CEBPZOS: variants seen among roughly 807,000 people sequenced by gnomAD.
CEBPZOS encodes protein CEBPZOS.
CEBPZOS carries 10 observed loss-of-function variants against 4.8 expected under a neutral mutation model. The ratio of observed to expected loss-of-function variants is 2.07; its 90% CI spans 1.28 to 3.52. The LOEUF (loss-of-function observed/expected upper bound fraction) is 3.52. Among genes scored for constraint, CEBPZOS ranks in the 30% most tolerant of loss-of-function variants. The pLI is 0.00. For synonymous variants in CEBPZOS, 25 were observed against 14.2 expected, an observed-to-expected ratio of 1.77 and a Z score of -1.72; for missense variants, 98 against 43.6, an observed-to-expected ratio of 2.25 and a Z score of -3.51.
In CEBPZOS at chr2:37,203,080, A is replaced by G. The variant is rs1479506858; in HGVS notation, c.*1220A>G. The G allele has an allele frequency of 1.9e-6, 2 of 1,026,376 alleles. No individual in the cohort carries two copies. The highest frequency in any genetic ancestry group is 1.7e-5 in the African/African-American group (1 of 59,946). 63.6% of individuals were successfully genotyped at this position (1,026,376 alleles called of 1,614,324 possible). A position where few individuals can be genotyped will look rare whatever the true frequency, so the allele number is the denominator to read the frequency against. ...TTTTAGAAAAATGCAATGCAACATG[A>G]TTTTATTTTAAAAATTATACTTGGG... On this transcript the variant is annotated 3_prime_UTR_variant, in exon 5 of 5. Coordinates refer to ENST00000402297, the MANE Select transcript of CEBPZOS (RefSeq NM_001322374.2).
chr2:37,211,816 TTA>T, intron 4 of CEBPZOS: 1 of 1,505,280 alleles, frequency 6.6e-7, no homozygotes, highest in East Asian at 2.3e-5. Context: ...AAGACACAGT[TTA>T]TGTCTTATTT....
downstream of CEBPZOS, among the ~76,000 whole-genome samples, chr2:37,206,616 G>A (rs903445874): frequency 1.7e-4 from 26 of 152,194 alleles, no homozygotes; most frequent in Middle Eastern, 3.4e-3. Flanking sequence ...TGGGCCTCCC[G>A]AAGTGCTGGG....
rs1434578473 is a variant in CEBPZOS at position 37,199,729 on chromosome 2, G to T, written c.25G>T (p.Ala9Ser). ...GATGGCCCGTACTTTGGAACCACTA[G>T]CAAAGAAGATCTTTAAAGGAGTTTT... MARTLEPL[A>S]KKIFKGVLVA... Residue 9 changes from alanine to serine, a missense_variant, in exon 2 of 5, where the codon GCA becomes TCA. Coordinates refer to ENST00000402297, the MANE Select transcript of CEBPZOS (RefSeq NM_001322374.2). 2 of 717,358 alleles carry T rather than the reference G, an allele frequency of 2.8e-6. No homozygotes were observed. Among genetic ancestry groups the T allele is most frequent in the African/African-American group, 3.5e-5 (2 of 57,270 alleles). 44.4% of individuals were successfully genotyped at this position (717,358 alleles called of 1,614,324 possible). A position where few individuals can be genotyped will look rare whatever the true frequency, so the allele number is the denominator to read the frequency against.
chr2:37,210,751 C>T (rs999871150), intron 4 of CEBPZOS: 14 of 379,914 alleles, frequency 3.7e-5, no homozygotes, highest in Non-Finnish European at 6.2e-5. Context: ...CCTACCTGTT[C>T]CCCAAAAACA....
At chr2:37,201,490 C>A in intron 3 of CEBPZOS, 152 bp from the exon 4 acceptor site, 1 of 586,226 alleles carries the variant, frequency 1.7e-6, no homozygotes. Flanking sequence ...ATCAGAGATG[C>A]CAGGACTTAT....
At position 37,203,144 on chromosome 2, in the gene CEBPZOS, G is replaced by A; in HGVS notation, c.*1284G>A. On this transcript the variant is annotated 3_prime_UTR_variant, in exon 5 of 5. Coordinates refer to ENST00000402297, the MANE Select transcript of CEBPZOS (RefSeq NM_001322374.2). ...AATAATCTTCTGGCACCATTGGGTA[G>A]CTGGCATTTAAATATAATTTAAGAG... 1.8e-6 allele frequency: 1 copy of A among 540,712 alleles called. No homozygotes were observed. Among genetic ancestry groups the A allele is most frequent in the East Asian group, 3.2e-5 (1 of 31,190 alleles). The allele number at this position is 540,712 out of a possible 1,614,324, so 33.5% of individuals were successfully genotyped here. A position where few individuals can be genotyped will look rare whatever the true frequency, so the allele number is the denominator to read the frequency against.
intron 1 of CEBPZOS, among the ~76,000 whole-genome samples, chr2:37,197,963 C>T (rs1677030286): frequency 6.6e-6 from 1 of 152,222 alleles, no homozygotes; most frequent in African/African-American, 2.4e-5. Context: ...GAGTTGGGGA[C>T]CACCCTGGGC....
chr2:37,197,699 T>C (rs190562113), intron 1 of CEBPZOS, among the ~76,000 whole-genome samples: 1 of 151,892 alleles, frequency 6.6e-6, no homozygotes, highest in Non-Finnish European at 1.5e-5. Context: ...ACCTCATCTC[T>C]ACTAAACATA....
chr2:37,211,165 T>C, intron 4 of CEBPZOS: 2 of 906,278 alleles, frequency 2.2e-6, no homozygotes, highest in Non-Finnish European at 3.4e-6. Flanking sequence ...CTAAAATCTT[T>C]ATTCTGATGG....
In CEBPZOS at chr2:37,201,961, C is replaced by A; in HGVS notation, c.*101C>A. The A allele has an allele frequency of 6.6e-7, 1 of 1,516,646 alleles. No homozygotes were observed. The highest frequency in any genetic ancestry group is 1.2e-5 in the South Asian group (1 of 81,438). The allele number at this position is 1,516,646 out of a possible 1,614,324, so 93.9% of individuals were successfully genotyped here. ...CCACACTGTAGACTCTTGGTGGTCC[C>A]ACAGAACATGCTGCTGAGTCACAGG... is the stretch of plus-strand genomic sequence containing the variant. On this transcript the variant is annotated 3_prime_UTR_variant, in exon 5 of 5. Coordinates refer to ENST00000402297, the MANE Select transcript of CEBPZOS (RefSeq NM_001322374.2).
In CEBPZOS at chr2:37,203,334, G is replaced by C. The variant is rs1677374219; in HGVS notation, c.*1474G>C. On this transcript the variant is annotated 3_prime_UTR_variant, in exon 5 of 5. Coordinates refer to ENST00000402297, the MANE Select transcript of CEBPZOS (RefSeq NM_001322374.2). ...AAAATTATCAGTTTGACATGGATGG[G>C]TTTTGAAATACTTAAGACACAACAT... 1 of 170,856 alleles carries C rather than the reference G, an allele frequency of 5.9e-6. No individual in the cohort carries two copies. Among genetic ancestry groups the C allele is most frequent in the South Asian group, 1.9e-4 (1 of 5,166 alleles). The allele number at this position is 170,856 out of a possible 1,614,324, so 10.6% of individuals were successfully genotyped here.
At chr2:37,210,963 C>T (rs1677702438) in intron 4 of CEBPZOS, 2 of 1,458,936 alleles carry the variant, frequency 1.4e-6, no homozygotes, top group Admixed American at 1.8e-5. Context: ...TTCACATGGA[C>T]ACTGCTTTTA....
Position 37,196,510 on chromosome 2 carries a change from A to T in CEBPZOS, c.-12A>T, listed in dbSNP as rs746210905. 1.3e-5 allele frequency: 2 copies of T among 152,164 alleles called. No individual in the cohort carries two copies. The highest frequency in any genetic ancestry group is 2.4e-5 in the African/African-American group (1 of 41,400). 9.4% of individuals were successfully genotyped at this position (152,164 alleles called of 1,614,324 possible). A position where few individuals can be genotyped will look rare whatever the true frequency, so the allele number is the denominator to read the frequency against. ...GTTGCGCATGCGCAGTCCCCCTTGA[A>T]CGCACCTCAGGTAAGACTCTGGCGA... is the stretch of plus-strand genomic sequence containing the variant. On this transcript the variant is annotated 5_prime_UTR_variant, in exon 1 of 5. Transcript: ENST00000402297.
At position 37,202,894 on chromosome 2, in the gene CEBPZOS, GAA is replaced by G; in HGVS notation, c.*1037_*1038del. The G allele has an allele frequency of 6.3e-7, 1 of 1,592,948 alleles. No individual in the cohort carries two copies. The highest frequency in any genetic ancestry group is 8.6e-7 in the Non-Finnish European group (1 of 1,168,542). On this transcript the variant is annotated 3_prime_UTR_variant, in exon 5 of 5. Coordinates refer to ENST00000402297, the MANE Select transcript of CEBPZOS (RefSeq NM_001322374.2). The stretch of plus-strand genomic sequence containing the variant: ...TTAAACAAAAACGATAAATTTATTA[GAA>G]AACTAAAAATAATGTAGAATAGCTA...
At chr2:37,212,697 C>CT in intron 4 of CEBPZOS, 1 of 375,146 alleles carries the variant, frequency 2.7e-6, no homozygotes. Context: ...CCTTTTTACT[C>CT]TATTAGAACT....
chr2:37,198,653 G>C (rs867575351), intron 1 of CEBPZOS: 2 of 152,136 alleles, frequency 1.3e-5, no homozygotes, highest in Middle Eastern at 6.8e-3. Context: ...TAAAAACTTG[G>C]GTTTACATTA....
downstream of CEBPZOS, among the ~76,000 whole-genome samples, chr2:37,205,712 C>T (rs1677515641): frequency 6.6e-6 from 1 of 152,166 alleles, no homozygotes; most frequent in South Asian, 2.1e-4. Flanking sequence ...AAGCAGAAGC[C>T]AGAGAGGCAC....
rs1269717520 is a variant in CEBPZOS, at chr2:37,203,928, T to A, written c.*2068T>A. The A allele has an allele frequency of 6.6e-6, 1 of 152,250 alleles. No homozygotes were observed. Among genetic ancestry groups the A allele is most frequent in the African/African-American group, 2.4e-5 (1 of 41,462 alleles). 9.4% of individuals were successfully genotyped at this position (152,250 alleles called of 1,614,324 possible). ...ATTGTATGGATATACCACATTTTGC[T>A]TATCAGTTAATGGACATTTAGGTTT... On this transcript the variant is annotated 3_prime_UTR_variant, in exon 5 of 5. Transcript: ENST00000402297.
intron 1 of CEBPZOS, chr2:37,198,344 TAAG>T (rs1170577267): frequency 6.6e-6 from 1 of 152,126 alleles, no homozygotes; most frequent in Non-Finnish European, 1.5e-5. Flanking sequence ...TTCTTTTAAA[TAAG>T]AATAATAAAG....
Sources: allele counts gnomAD v4.1 joint callset (sites outside exome capture counted in the v4.1 genomes callset), GRCh38; gene constraint gnomAD v4.1.1; transcripts MANE v1.5; gene names NCBI Gene and HGNC (gene_info 2026-07-23, HGNC 2026-07-21).